Variants in HAT1 observed in about 807,000 individuals in gnomAD.
HAT1 encodes the protein histone acetyltransferase 1.
In HAT1, 20 loss-of-function variants were observed where a neutral mutation model predicts 56.6. The observed-to-expected ratio is 0.35, with a 90% CI of 0.25 to 0.51. The LOEUF (loss-of-function observed/expected upper bound fraction) is 0.51, where lower values mean the gene tolerates loss of function less well. Ranked by LOEUF, HAT1 falls within the 20% of genes least tolerant of loss-of-function variation. The pLI is 0.95. For synonymous variants in HAT1, 146 were observed against 165.5 expected (o/e 0.88, Z 0.91); for missense variants, 408 against 504.3 (o/e 0.81, Z 1.83).
At chr2:171,969,739 G>C (rs1404411167) in intron 8 of HAT1, among the ~76,000 whole-genome samples, 1 of 152,092 alleles carries the variant, frequency 6.6e-6, no homozygotes, top group Non-Finnish European at 1.5e-5. Flanking sequence ...TTTTTTGCAT[G>C]TTTTTTGACT....
At chr2:171,974,210 A>AAG (rs1553270163) in intron 8 of HAT1, among the ~76,000 whole-genome samples, 3 of 72,718 alleles carry the variant, frequency 4.1e-5, no homozygotes, top group Non-Finnish European at 6.5e-5. Context: ...AGAAAAAGAA[A>AAG]AAAAAAAAAA....
rs56657515 is a variant in HAT1, at chr2:171,975,102, CT to C, written c.824-1039del. ...GGAAAGTGTTTCCTCTATTTTCTTTCTTTTTTTTTTTTTTTTAATGGAGATG... is the reference window on the plus strand; with the variant it reads ...GGAAAGTGTTTCCTCTATTTTCTTTCTTTTTTTTTTTTTTTAATGGAGATG... On this transcript the variant is annotated intron_variant, in intron 8 of 10. Transcript: ENST00000264108. Among the ~76,000 whole-genome samples, 684 of 130,812 alleles carry C rather than the reference CT, an allele frequency of 5.2e-3. 1 individual carries two copies. Among genetic ancestry groups the C allele is most frequent in the South Asian group, 0.017 (68 of 4,038 alleles). The allele number at this position is 130,812 out of a possible 152,430, so 85.8% of individuals were successfully genotyped here.
At chr2:171,940,268 G>GA (rs1353840534) in intron 2 of HAT1, among the ~76,000 whole-genome samples, 3 of 152,172 alleles carry the variant, frequency 2.0e-5, no homozygotes, top group Non-Finnish European at 4.4e-5. Flanking sequence ...ACATCCTCCT[G>GA]AAAAATATAT....
At chr2:171,945,687 G>T (rs1378682284) in intron 2 of HAT1, among the ~76,000 whole-genome samples, 1 of 150,430 alleles carries the variant, frequency 6.6e-6, no homozygotes. Flanking sequence ...TTATTTTTTT[G>T]AGAGAGAGTC....
At chr2:171,974,808 G>A (rs117165923) in intron 8 of HAT1, among the ~76,000 whole-genome samples, 2,840 of 152,192 alleles carry the variant, frequency 0.019, 59 homozygotes, top group Admixed American at 0.068. Context: ...TTTGTCAAAC[G>A]CTTTGTTCTG....
chr2:171,969,400 AT>A (rs1415397412), intron 8 of HAT1, among the ~76,000 whole-genome samples: 1 of 152,122 alleles, frequency 6.6e-6, no homozygotes, highest in Admixed American at 6.5e-5. Context: ...TTAGAATATG[AT>A]TTTTTATCAC....
intron 4 of HAT1, among the ~76,000 whole-genome samples, chr2:171,955,963 G>A (rs1030197196): frequency 1.3e-5 from 2 of 151,698 alleles, no homozygotes; most frequent in African/African-American, 2.4e-5. Context: ...GAGAATCACC[G>A]GAACCCGGTA....
chr2:171,961,891 G>GTT lies in HAT1; in HGVS notation c.310-3434_310-3433dup, dbSNP rs61586009. On this transcript the variant is annotated intron_variant, in intron 4 of 10. Transcript: ENST00000264108. ...AGTAGATACAGAATTTCTTTTGCTT[G>GTT]TTTTTTTTTTTTTTAGCATATTTTA... Among the ~76,000 whole-genome samples, 546 of 141,712 alleles carry GTT rather than the reference G, an allele frequency of 3.9e-3. 1 individual carries two copies. The highest frequency in any genetic ancestry group is 0.033 in the East Asian group (154 of 4,738). 93.0% of individuals were successfully genotyped at this position (141,712 alleles called of 152,430 possible).
rs191209922 is a variant in HAT1 at position 171,925,682 on chromosome 2, G to A, written c.112+41G>A. ...CTAAGTGATGTTATGTACATACTGT[G>A]TGTGTATATATAATCTTTCATTTTA... On this transcript the variant is annotated intron_variant, in intron 2 of 10. Transcript: ENST00000264108. 2,827 of 823,718 alleles carry A rather than the reference G, an allele frequency of 3.4e-3. 12 individuals carry two copies. The highest frequency in any genetic ancestry group is 4.4e-3 in the Non-Finnish European group (2,070 of 470,574). The allele number at this position is 823,718 out of a possible 1,614,324, so 51.0% of individuals were successfully genotyped here. A position where few individuals can be genotyped will look rare whatever the true frequency, so the allele number is the denominator to read the frequency against.
chr2:171,959,004 C>G (rs1248714303), intron 4 of HAT1, among the ~76,000 whole-genome samples: 1 of 151,858 alleles, frequency 6.6e-6, no homozygotes, highest in Non-Finnish European at 1.5e-5. Flanking sequence ...GTGTTTTTCC[C>G]CACTTCCCAG....
intron 2 of HAT1, among the ~76,000 whole-genome samples, chr2:171,932,738 A>C (rs1302178401): frequency 6.6e-6 from 1 of 152,084 alleles, no homozygotes; most frequent in East Asian, 1.9e-4. Context: ...GCATGGTGGC[A>C]TGCACCCATA....
At chr2:171,967,857 T>C (rs1297633297) in intron 8 of HAT1, among the ~76,000 whole-genome samples, 2 of 151,994 alleles carry the variant, frequency 1.3e-5, no homozygotes, top group Non-Finnish European at 2.9e-5. Flanking sequence ...AAAAATGCTA[T>C]TTGGGAATTT....
intron 1 of HAT1, among the ~76,000 whole-genome samples, chr2:171,925,182 C>A (rs1201744280): frequency 6.6e-6 from 1 of 151,036 alleles, no homozygotes; most frequent in Admixed American, 6.6e-5. Flanking sequence ...AAGAGATTCT[C>A]CTGCCTCAGC....
chr2:171,925,482 G>A (rs536606072), intron 1 of HAT1, 55 bp from the exon 2 acceptor site: 3 of 803,706 alleles, frequency 3.7e-6, no homozygotes, highest in Admixed American at 3.6e-5. Flanking sequence ...CCTATTGCAG[G>A]TTTGACAATT....
chr2:171,977,473 A>G (rs1687997607), intron 9 of HAT1, among the ~76,000 whole-genome samples: 1 of 144,222 alleles, frequency 6.9e-6, no homozygotes. Flanking sequence ...AAAAAAAAAA[A>G]AAGAAAAGAA....
At chr2:171,963,124 AGTT>A (rs1170764552) in intron 4 of HAT1, among the ~76,000 whole-genome samples, 1 of 151,530 alleles carries the variant, frequency 6.6e-6, no homozygotes, top group Admixed American at 6.6e-5. Context: ...AGTGAAGCGA[AGTT>A]GTAAATTCTA....
chr2:171,982,253 G>A lies in HAT1; in HGVS notation c.1093-932G>A, dbSNP rs766028427. Among the ~76,000 whole-genome samples, 78 of 152,270 alleles carry A rather than the reference G, an allele frequency of 5.1e-4. 1 individual carries two copies. The highest frequency in any genetic ancestry group is 1.0e-3 in the Non-Finnish European group (69 of 68,002). ...GTGGCTCATGGCTGTAATCCCAGCA[G>A]TTTGGGAGGCCAAGGTGGGTGGATC... On this transcript the variant is annotated intron_variant, in intron 10 of 10. Transcript: ENST00000264108.
chr2:171,971,686 A>G (rs779557768), intron 8 of HAT1, among the ~76,000 whole-genome samples: 10 of 152,170 alleles, frequency 6.6e-5, no homozygotes, highest in Non-Finnish European at 1.3e-4. Flanking sequence ...GATTAGGTTG[A>G]TATAGCTTTA....
chr2:171,939,044 A>G (rs2357207), intron 2 of HAT1, among the ~76,000 whole-genome samples: 1 of 151,914 alleles, frequency 6.6e-6, no homozygotes, highest in South Asian at 2.1e-4. Context: ...CCCGGCTTCA[A>G]ACACACTTTT....
Sources: gnomAD v4.1 joint callset for allele counts (sites outside exome capture counted in the v4.1 genomes callset) on GRCh38, gnomAD v4.1.1 for gene constraint, MANE v1.5 for transcripts, NCBI Gene and HGNC (gene_info 2026-07-23, HGNC 2026-07-21) for gene names.